MYPN: variants seen among roughly 807,000 people sequenced by gnomAD.
The protein encoded by MYPN is myopalladin.
Under a neutral mutation model 129.4 loss-of-function variants are expected in MYPN, and 63 were observed. That is an observed-to-expected ratio of 0.49 (90% CI 0.40 to 0.60). The LOEUF is 0.60. MYPN is among the 20% of genes least tolerant of loss of function. The pLI is 0.00. For missense variants in MYPN, 1,596 were observed against 1,635.4 expected (o/e 0.98, Z 0.42); for synonymous variants, 629 against 600.9 (o/e 1.05, Z -0.68).
intron 2 of MYPN, among the ~76,000 whole-genome samples, chr10:68,132,366 A>G (rs1446458528): frequency 1.3e-5 from 2 of 152,190 alleles, no homozygotes; most frequent in South Asian, 2.1e-4. Context: ...CTATCTTTTC[A>G]TATATTTCAA....
chr10:68,186,892 G>A (rs1387511038), intron 12 of MYPN, among the ~76,000 whole-genome samples: 1 of 152,100 alleles, frequency 6.6e-6, no homozygotes, highest in African/African-American at 2.4e-5. Flanking sequence ...GGGATCTGGG[G>A]AGGCTGCTTT....
At chr10:68,175,568 G>A in intron 12 of MYPN, 107 bp downstream of exon 12, 1 of 1,246,394 alleles carries the variant, frequency 8.0e-7, no homozygotes, top group Non-Finnish European at 1.2e-6. Context: ...GGCTGATGTT[G>A]CAGCTCAGAT....
chr10:68,195,509 A>G lies in MYPN; in HGVS notation c.3135A>G (p.Leu1045=). The change falls in exon 15 of 20, where the codon CTA becomes CTG. Residue 1045 remains leucine (L), a synonymous_variant. Transcript: ENST00000358913. ...MVQSLPIRSR[L]TSAGQSHRGR... ...AAAGTTTGCCCATTCGCAGTCGGCTAACCTCTGCTGGTCAGTCTCACAGGT... is the reference window on the plus strand; with the variant it reads ...AAAGTTTGCCCATTCGCAGTCGGCTGACCTCTGCTGGTCAGTCTCACAGGT... 6.2e-7 allele frequency: 1 copy of G among 1,614,028 alleles called. No individual in the cohort carries two copies. The highest frequency in any genetic ancestry group is 8.5e-7 in the Non-Finnish European group (1 of 1,179,936).
At chr10:68,091,705 G>A (rs2041932011) in intron 1 of MYPN, among the ~76,000 whole-genome samples, 1 of 151,370 alleles carries the variant, frequency 6.6e-6, no homozygotes, top group Non-Finnish European at 1.5e-5. Flanking sequence ...CTAGACTACA[G>A]CCCAAATTTG....
At chr10:68,096,766 G>A (rs1391211930) in intron 1 of MYPN, among the ~76,000 whole-genome samples, 5 of 152,182 alleles carry the variant, frequency 3.3e-5, no homozygotes, top group South Asian at 4.2e-4. Flanking sequence ...GACAATTCAC[G>A]ATCATAGAAA....
chr10:68,089,768 G>C (rs868772073), intron 1 of MYPN, among the ~76,000 whole-genome samples: 3 of 152,258 alleles, frequency 2.0e-5, no homozygotes, highest in African/African-American at 7.2e-5. Flanking sequence ...TCCAGTCTCT[G>C]TTTTCAGTGA....
intron 7 of MYPN, among the ~76,000 whole-genome samples, chr10:68,161,074 G>T (rs761178857): frequency 7.2e-5 from 11 of 152,286 alleles, no homozygotes; most frequent in Middle Eastern, 3.4e-3. Flanking sequence ...TTCAGGTAAG[G>T]CTGAATGAGT....
At chr10:68,158,398 C>T (rs895578596) in intron 6 of MYPN, 88 bp from the exon 7 acceptor site, 96 of 1,265,872 alleles carry the variant, frequency 7.6e-5, no homozygotes, top group Admixed American at 2.8e-4. Context: ...AATATGGAGA[C>T]GGCATCTTTT....
rs900177745 is a variant in MYPN, at chr10:68,092,885, T to A, written c.-2+4893T>A. ...ATGTAGAATGATTTACCCAAGGCTG[T>A]ATAGCTAGTGAGAGATAGAGCTGGG... On this transcript the variant is annotated intron_variant, in intron 1 of 6. Transcript: ENST00000685154. Among the ~76,000 whole-genome samples the A allele has an allele frequency of 3.9e-5, 6 of 152,302 alleles. No homozygotes were observed. In the South Asian group the frequency reaches 6.2e-4, roughly 16 times the overall value.
Position 68,174,507 on chromosome 10 carries a change from C to G in MYPN, c.2415C>G (p.Asn805Lys). 2 of 1,614,128 alleles carry G rather than the reference C, an allele frequency of 1.2e-6. No individual in the cohort carries two copies. Among genetic ancestry groups the G allele is most frequent in the Non-Finnish European group, 1.7e-6 (2 of 1,179,996 alleles). The change falls in exon 11 of 20, where the codon AAC becomes AAG. Residue 805 changes from asparagine (N) to lysine (K), a missense_variant. Coordinates refer to ENST00000358913, the MANE Select transcript of MYPN (RefSeq NM_032578.4). ...TCACATTTTCCATCCCCAGCGGAAA[C>G]CAGTTTCAGCCCCGCTGTGTGTCCC... ...PPFTFSIPSG[N>K]QFQPRCVSPI...
At chr10:68,151,180 C>T (rs568329000) in intron 6 of MYPN, among the ~76,000 whole-genome samples, 7 of 152,174 alleles carry the variant, frequency 4.6e-5, no homozygotes, top group Non-Finnish European at 1.0e-4. Flanking sequence ...CTAGTGAGTA[C>T]TGATCCTTAA....
intron 17 of MYPN, 123 bp downstream of exon 17, chr10:68,199,698 C>T (rs2043677878): frequency 3.1e-6 from 3 of 971,402 alleles, no homozygotes; most frequent in Non-Finnish European, 4.9e-6. Flanking sequence ...ATTTCCCCTT[C>T]ACTGTGGTAG....
chr10:68,209,671 C>CTTTTTTTTTTTTTTTTTTTTTTTTTTTT (rs35392300), intron 19 of MYPN, among the ~76,000 whole-genome samples: 7 of 131,234 alleles, frequency 5.3e-5, no homozygotes, highest in Admixed American at 1.6e-4. Context: ...GAATTCTTTT[C>CTTTTTTTTTTTTTTTTTTTTTTTTTTTT]TTTTTTTTTT....
chr10:68,187,682 G>C (rs1322346934), intron 12 of MYPN, among the ~76,000 whole-genome samples: 2 of 152,168 alleles, frequency 1.3e-5, no homozygotes, highest in East Asian at 1.9e-4. Context: ...AAGAGACCAG[G>C]CTTGGAGATA....
intron 2 of MYPN, among the ~76,000 whole-genome samples, chr10:68,137,020 G>A (rs572302590): frequency 2.2e-4 from 33 of 151,978 alleles, no homozygotes; most frequent in Non-Finnish European, 2.4e-4. Context: ...GGTTTTATGT[G>A]AGTTGTAATA....
chr10:68,156,406 G>A (rs1314213455), intron 6 of MYPN, among the ~76,000 whole-genome samples: 4 of 152,264 alleles, frequency 2.6e-5, no homozygotes, highest in South Asian at 2.1e-4. Context: ...CATTCTTGTC[G>A]TTAGTAGATG....
chr10:68,195,450 G>C lies in MYPN; in HGVS notation c.3076G>C (p.Gly1026Arg). Residue 1026 changes from glycine to arginine, a missense_variant and splice_region_variant, in exon 15 of 20, where the codon GGG (glycine) becomes CGG (arginine). Physicochemically the swap from Gly to Arg is moderately radical, Grantham distance 125. Coordinates refer to ENST00000358913, the MANE Select transcript of MYPN (RefSeq NM_032578.4). Reference sequence around the variant, plus strand: ...ATCTTGCTCTTTTTCTGTTTGTCAGGGGAGAATCAGCTGTTCTGGCCACTT... The same window carrying C: ...ATCTTGCTCTTTTTCTGTTTGTCAGCGGAGAATCAGCTGTTCTGGCCACTT... ...NYTIMAANPQ[G>R]RISCSGHLMV... The C allele has an allele frequency of 6.2e-7, 1 of 1,613,754 alleles. No homozygotes were observed. The highest frequency in any genetic ancestry group is 8.5e-7 in the Non-Finnish European group (1 of 1,179,740).
intron 12 of MYPN, among the ~76,000 whole-genome samples, chr10:68,176,586 T>C (rs1215707360): frequency 3.3e-5 from 5 of 152,232 alleles, no homozygotes; most frequent in Non-Finnish European, 5.9e-5. Flanking sequence ...GAGCAACTTA[T>C]ACTGAGTGGA....
intron 2 of MYPN, among the ~76,000 whole-genome samples, chr10:68,134,801 T>A (rs918430267): frequency 1.3e-5 from 2 of 151,892 alleles, no homozygotes; most frequent in African/African-American, 4.8e-5. Context: ...CTCAAAAAAA[T>A]AAATTAATTA....
Sources: allele counts gnomAD v4.1 joint callset (sites outside exome capture counted in the v4.1 genomes callset), GRCh38; gene constraint gnomAD v4.1.1; transcripts MANE v1.5; gene names NCBI Gene and HGNC (gene_info 2026-07-23, HGNC 2026-07-21).